Variants in CDH13 observed in about 807,000 individuals in gnomAD.
CDH13 encodes the protein cadherin-13.
Under a neutral mutation model 63.8 loss-of-function variants are expected in CDH13, and 24 were observed. The ratio of observed to expected loss-of-function variants is 0.38; its 90% confidence interval spans 0.27 to 0.53. The LOEUF (loss-of-function observed/expected upper bound fraction) is 0.53, where lower values mean the gene tolerates loss of function less well. Among genes scored for constraint, CDH13 ranks in the 20% least tolerant of loss-of-function variants. CDH13 has a pLI of 0.85. For synonymous variants in CDH13, 503 were observed against 355.3 expected, an observed-to-expected ratio of 1.42 and a Z score of -4.67; for missense variants, 1,049 against 903.1, an observed-to-expected ratio of 1.16 and a Z score of -2.07.
intron 4 of CDH13, among the ~76,000 whole-genome samples, chr16:83,175,680 C>T (rs1336683245): frequency 6.9e-6 from 1 of 145,648 alleles, no homozygotes; most frequent in Non-Finnish European, 1.5e-5. Context: ...AACAAACAAA[C>T]ACCGTCATTC....
At chr16:83,014,401 G>A (rs1453148862) in intron 2 of CDH13, among the ~76,000 whole-genome samples, 1 of 150,340 alleles carries the variant, frequency 6.7e-6, no homozygotes, top group Non-Finnish European at 1.5e-5. Flanking sequence ...TTTCAGAATG[G>A]CTCTGAACTA....
intron 5 of CDH13, among the ~76,000 whole-genome samples, chr16:83,252,267 T>A (rs1905662258): frequency 2.6e-5 from 1 of 38,340 alleles, no homozygotes; most frequent in African/African-American, 6.8e-5. Context: ...TACATCTTTT[T>A]TTTCTTTTTT....
At chr16:83,570,217 C>G (rs749324871) in intron 7 of CDH13, among the ~76,000 whole-genome samples, 1 of 152,156 alleles carries the variant, frequency 6.6e-6, no homozygotes, top group Non-Finnish European at 1.5e-5. Context: ...TAGTATAGGT[C>G]TTGCATCGTA....
At chr16:83,557,263 C>T (rs574774552) in intron 7 of CDH13, among the ~76,000 whole-genome samples, 5 of 152,184 alleles carry the variant, frequency 3.3e-5, no homozygotes, top group Non-Finnish European at 7.3e-5. Context: ...AAAACAAGCT[C>T]AGGACTCCCA....
At chr16:83,061,678 A>G (rs1343924989) in intron 3 of CDH13, among the ~76,000 whole-genome samples, 4 of 152,214 alleles carry the variant, frequency 2.6e-5, no homozygotes, top group African/African-American at 7.2e-5. Context: ...AAGTGAAACC[A>G]GACGCCTCCA....
At chr16:83,271,933 C>T (rs572474070) in intron 5 of CDH13, among the ~76,000 whole-genome samples, 28 of 152,220 alleles carry the variant, frequency 1.8e-4, no homozygotes, top group African/African-American at 5.3e-4. Context: ...ATCTTGTCAC[C>T]GGAAATTACT....
At chr16:82,627,601 G>A (rs867424354) in intron 1 of CDH13, among the ~76,000 whole-genome samples, 41 of 152,198 alleles carry the variant, frequency 2.7e-4, no homozygotes, top group African/African-American at 9.4e-4. Flanking sequence ...GGGATGCGGG[G>A]CTGGAGAGGC....
chr16:83,448,150 G>C (rs2072767608), intron 6 of CDH13, among the ~76,000 whole-genome samples: 2 of 152,144 alleles, frequency 1.3e-5, no homozygotes, highest in Admixed American at 1.3e-4. Context: ...GGTGATAGTG[G>C]AGCTGAGTGA....
At chr16:83,153,191 G>T (rs899093764) in intron 4 of CDH13, among the ~76,000 whole-genome samples, 1 of 152,134 alleles carries the variant, frequency 6.6e-6, no homozygotes, top group East Asian at 1.9e-4. Context: ...TTGGTGGGAG[G>T]GGAGGGGCAG....
chr16:82,734,168 C>A (rs779601760), intron 1 of CDH13, among the ~76,000 whole-genome samples: 80 of 152,326 alleles, frequency 5.3e-4, no homozygotes, highest in Non-Finnish European at 1.0e-3. Context: ...AACTTTGGCC[C>A]ACTACTTGTT....
At chr16:82,755,079 C>G (rs904890534) in intron 1 of CDH13, among the ~76,000 whole-genome samples, 1 of 152,186 alleles carries the variant, frequency 6.6e-6, no homozygotes, top group Non-Finnish European at 1.5e-5. Context: ...TATGCATACA[C>G]AAGCATGTAC....
intron 8 of CDH13, among the ~76,000 whole-genome samples, chr16:83,631,697 A>C (rs1429427344): frequency 6.6e-6 from 1 of 151,894 alleles, no homozygotes; most frequent in African/African-American, 2.4e-5. Flanking sequence ...ACACAACAAA[A>C]TGTTGATGAG....
chr16:82,992,430 C>G (rs982167037), intron 2 of CDH13, among the ~76,000 whole-genome samples: 1 of 152,162 alleles, frequency 6.6e-6, no homozygotes, highest in African/African-American at 2.4e-5. Context: ...GCTAGAGTCT[C>G]TTATCAGTGA....
At chr16:82,872,145 G>A (rs917775173) in intron 2 of CDH13, among the ~76,000 whole-genome samples, 16 of 152,186 alleles carry the variant, frequency 1.1e-4, no homozygotes, top group African/African-American at 4.8e-5. Flanking sequence ...AAGTACTAAC[G>A]TCTTATGACC....
At chr16:82,718,344 A>T (rs180819978) in intron 1 of CDH13, among the ~76,000 whole-genome samples, 4 of 152,186 alleles carry the variant, frequency 2.6e-5, no homozygotes, top group Admixed American at 6.5e-5. Flanking sequence ...CAGCCTCTGT[A>T]GGGCACAGGT....
chr16:83,389,954 T>G (rs1297047933), intron 6 of CDH13, among the ~76,000 whole-genome samples: 1 of 152,226 alleles, frequency 6.6e-6, no homozygotes, highest in Non-Finnish European at 1.5e-5. Context: ...GGATCTGAGC[T>G]CGGCTGTTTA....
chr16:82,835,554 C>T (rs1322259881), intron 1 of CDH13, among the ~76,000 whole-genome samples: 1 of 152,134 alleles, frequency 6.6e-6, no homozygotes, highest in Non-Finnish European at 1.5e-5. Context: ...CTGGCCTTAC[C>T]CTTGCTCAAT....
At chr16:83,311,872 C>G (rs188097024) in intron 5 of CDH13, among the ~76,000 whole-genome samples, 1 of 152,108 alleles carries the variant, frequency 6.6e-6, no homozygotes, top group African/African-American at 2.4e-5. Flanking sequence ...GTTAGGATTT[C>G]GAGACCAACC....
chr16:83,217,184 T>C (rs1378045960), intron 4 of CDH13, among the ~76,000 whole-genome samples, 161 bp from the exon 5 acceptor site: 3 of 152,170 alleles, frequency 2.0e-5, no homozygotes, highest in African/African-American at 7.2e-5. Flanking sequence ...CGTTAGGCAG[T>C]GATGCTATTT....
Sources: allele counts gnomAD v4.1 joint callset (sites outside exome capture counted in the v4.1 genomes callset), GRCh38; gene constraint gnomAD v4.1.1; transcripts MANE v1.5; gene names NCBI Gene and HGNC (gene_info 2026-07-23, HGNC 2026-07-21).